Variants in ZMYM3 observed in about 807,000 individuals in gnomAD.
ZMYM3 encodes the protein zinc finger MYM-type protein 3.
Under a neutral mutation model 94.2 loss-of-function variants are expected in ZMYM3, and 6 were observed. That is an observed-to-expected ratio of 0.06 (90% CI 0.03 to 0.13). The LOEUF (loss-of-function observed/expected upper bound fraction) is 0.13. ZMYM3 is among the 10% of genes least tolerant of loss of function. The pLI is 1.00. For missense variants in ZMYM3, 664 were observed against 1,132.6 expected (o/e 0.59, Z 5.94); for synonymous variants, 420 against 426.5 (o/e 0.98, Z 0.19).
intron 2 of ZMYM3, 27 bp from the exon 3 acceptor site, chrX:71,251,628 A>G: frequency 2.6e-6 from 3 of 1,174,002 alleles, no homozygotes; most frequent in Non-Finnish European, 3.4e-6. Flanking sequence ...AGGCAGCCTA[A>G]ATGTTGAGCC....
upstream of ZMYM3, chrX:71,255,086 C>A (rs1047829728): frequency 1.5e-4 from 1 of 6,865 alleles, no homozygotes; most frequent in Non-Finnish European, 2.4e-4. Context: ...CAGGGCTGAT[C>A]TCTCTCTCTC....
In ZMYM3 at chrX:71,248,745, T is replaced by A. The variant is rs937809555; in HGVS notation, c.1678A>T (p.Asn560Tyr). Reference sequence around the variant, plus strand: ...TGGTAGACTGTGCGGTCAACCTTGTTGTAGTAACAGGGGTCAGAGAGGCTG... The same window carrying A: ...TGGTAGACTGTGCGGTCAACCTTGTAGTAGTAACAGGGGTCAGAGAGGCTG... Reference protein sequence around the residue: ...RRSLSDPCYYNKVDRTVYQFC... With the variant: ...RRSLSDPCYYYKVDRTVYQFC... The change falls in exon 9 of 25, where the codon AAC (asparagine) becomes TAC (tyrosine). Residue 560 changes from asparagine (N) to tyrosine (Y), a missense_variant. Asn to Tyr is a moderately radical substitution (Grantham distance 143, BLOSUM62 -2). This residue lies in a region of ZMYM3 where 159 missense variants were observed against 313.0 expected (regional missense o/e 0.51). Coordinates refer to ENST00000314425, the MANE Select transcript of ZMYM3 (RefSeq NM_201599.3). The A allele has an allele frequency of 3.2e-5, 39 of 1,206,704 alleles. No homozygotes were observed. Among genetic ancestry groups the A allele is most frequent in the Non-Finnish European group, 4.0e-5 (36 of 893,811 alleles).
intron 6 of ZMYM3, among the ~76,000 whole-genome samples, 158 bp downstream of exon 6, chrX:71,249,868 T>A (rs771073131): frequency 8.9e-5 from 10 of 112,273 alleles, no homozygotes; most frequent in Non-Finnish European, 1.3e-4. Context: ...GCTGTGCACA[T>A]CCTGGAGAAG....
chrX:71,247,776 G>A lies in ZMYM3; in HGVS notation c.2106C>T (p.Cys702=), dbSNP rs1318236653. The change falls in exon 12 of 25, where the codon TGC becomes TGT. Residue 702 remains cysteine (C), a synonymous_variant. Transcript: ENST00000314425. ...GGTACTTGCTCTTACAGTCCTCACT[G>A]CAGAAGTCCCAGGTGCTGCCATCCA... ...EQLDGSTWDF[C]SEDCKSKYLL... The A allele has an allele frequency of 2.5e-6, 3 of 1,211,870 alleles. No homozygotes were observed. The highest frequency in any genetic ancestry group is 3.4e-6 in the Non-Finnish European group (3 of 895,467).
At position 71,246,479 on chromosome X, in the gene ZMYM3, G is replaced by GGGGGGGGGGGGGGGGGGC; in HGVS notation, c.2445_2446insGCCCCCCCCCCCCCCCCC (p.Ala815_Pro816insAlaProProProProPro). ...GGGGGTGGTGGGGGTGGAGGGGTGG[G>GGGGGGGGGGGGGGGGGGC]AGCAGTGGGAGCTGATCGGGTCTTC... On this transcript the variant is annotated inframe_insertion, in exon 15 of 25. Coordinates refer to ENST00000314425, the MANE Select transcript of ZMYM3 (RefSeq NM_201599.3). 1 of 333,479 alleles carries GGGGGGGGGGGGGGGGGGC rather than the reference G, an allele frequency of 3.0e-6. No homozygotes were observed. The highest frequency in any genetic ancestry group is 5.6e-6 in the Non-Finnish European group (1 of 178,512). 27.5% of individuals were successfully genotyped at this position (333,479 alleles called of 1,213,427 possible).
At position 71,252,575 on chromosome X, in the gene ZMYM3, A is replaced by G. The variant is rs1310874132; in HGVS notation, c.667+14T>C. ...TCTCCCAGCCCTGATTCTCCAGATA[A>G]TTAGGCAACCTACCTGGCAAGGAAG... On this transcript the variant is annotated intron_variant, in intron 2 of 24. Transcript: ENST00000314425. 2 of 1,134,757 alleles carry G rather than the reference A, an allele frequency of 1.8e-6. No individual in the cohort carries two copies. The highest frequency in any genetic ancestry group is 6.1e-5 in the East Asian group (2 of 32,901). The allele number at this position is 1,134,757 out of a possible 1,213,427, so 93.5% of individuals were successfully genotyped here.
Position 71,247,752 on chromosome X carries a change from G to A in ZMYM3, c.2130C>T (p.Tyr710=). The A allele has an allele frequency of 8.3e-7, 1 of 1,211,025 alleles. No individual in the cohort carries two copies. Among genetic ancestry groups the A allele is most frequent in the Non-Finnish European group, 1.1e-6 (1 of 895,100 alleles). Residue 710 remains tyrosine (Y), a synonymous_variant, in exon 12 of 25, where the codon TAC becomes TAT. Coordinates refer to ENST00000314425, the MANE Select transcript of ZMYM3 (RefSeq NM_201599.3). ...DFCSEDCKSK[Y]LLWYCKAARC... is the part of the protein sequence containing the mutation. ...TCCTTACCTTGCAGTACCACAGCAG[G>A]TACTTGCTCTTACAGTCCTCACTGC...
chrX:71,250,061 C>T lies in ZMYM3; in HGVS notation c.1216G>A (p.Ala406Thr), dbSNP rs777627986. 10 of 1,194,076 alleles carry T rather than the reference C, an allele frequency of 8.4e-6. No individual in the cohort carries two copies. The highest frequency in any genetic ancestry group is 2.4e-4 in the Middle Eastern group (1 of 4,247). ...TTCTGGCATATGCTGCAGCGAGTAG[C>T]GTCGGCGGGATCCCCAGACTGGGGG... ...PIPQSGDPAD[A>T]TRCSICQKTG... The change falls in exon 6 of 25, where the codon GCT (alanine) becomes ACT (threonine). Residue 406 changes from alanine to threonine, a missense_variant. Transcript: ENST00000314425.
Position 71,246,468 on chromosome X carries a change from T to TTGGGGGGGGGGGGGGGGGGG in ZMYM3, c.2456_2457insCCCCCCCCCCCCCCCCCCCA (p.Ala825ProfsTer21). 4 of 115,326 alleles carry TTGGGGGGGGGGGGGGGGGGG rather than the reference T, an allele frequency of 3.5e-5. No individual in the cohort carries two copies. Among genetic ancestry groups the TTGGGGGGGGGGGGGGGGGGG allele is most frequent in the Admixed American group, 7.0e-4 (2 of 2,838 alleles). 9.5% of individuals were successfully genotyped at this position (115,326 alleles called of 1,213,427 possible). On this transcript the variant is annotated frameshift_variant, in exon 15 of 25. Coordinates refer to ENST00000314425, the MANE Select transcript of ZMYM3 (RefSeq NM_201599.3). LOFTEE classifies it high-confidence loss of function. ...GGGGTGTTGCTGGGGGTGGTGGGGG[T>TTGGGGGGGGGGGGGGGGGGG]GGAGGGGTGGGAGCAGTGGGAGCTG...
rs1216087178 is a variant in ZMYM3 at position 71,252,913 on chromosome X, C to T, written c.343G>A (p.Gly115Arg). The change falls in exon 2 of 25, where the codon GGA becomes AGA. Residue 115 changes from glycine to arginine, a missense_variant. Physicochemically the swap from Gly to Arg is moderately radical, Grantham distance 125. This residue lies in a region of ZMYM3 where 196 missense variants were observed against 190.8 expected (regional missense o/e 1.03). Transcript: ENST00000314425. The part of the protein sequence containing the change: ...WDAGDQTLEP[G>R]PGGQTPEVVP... ...ACCTCAGGGGTCTGGCCCCCTGGTC[C>T]AGGCTCTAGGGTCTGATCTCCTGCA... is the stretch of plus-strand genomic sequence containing the variant. 5.8e-6 allele frequency: 7 copies of T among 1,209,814 alleles called. No individual in the cohort carries two copies. The highest frequency in any genetic ancestry group is 7.8e-6 in the Non-Finnish European group (7 of 894,904).
chrX:71,251,961 G>A, intron 2 of ZMYM3: 1 of 598,922 alleles, frequency 1.7e-6, no homozygotes, highest in Non-Finnish European at 2.0e-6. Flanking sequence ...GGAAGCATCA[G>A]TGTATGGGTA....
chrX:71,252,977 C>T lies in ZMYM3; in HGVS notation c.279G>A (p.Pro93=), dbSNP rs778882619. The T allele has an allele frequency of 1.2e-5, 15 of 1,209,054 alleles. No individual in the cohort carries two copies. Among genetic ancestry groups the T allele is most frequent in the Admixed American group, 2.2e-5 (1 of 45,779 alleles). Residue 93 remains proline, a synonymous_variant, in exon 2 of 25, where the codon CCG becomes CCA. Coordinates refer to ENST00000314425, the MANE Select transcript of ZMYM3 (RefSeq NM_201599.3). ...TTCCCTCAGGACCGTGGTCCACCTC[C>T]GGGGGAGAGGGGGCTTTATAGAGCA... is the stretch of plus-strand genomic sequence containing the variant. ...GGLLYKAPSP[P]EVDHGPEGTL... is the part of the protein sequence containing the mutation.
chrX:71,254,860 T>C (rs1393006078), upstream of ZMYM3: 1 of 111,105 alleles, frequency 9.0e-6, no homozygotes, highest in Admixed American at 9.5e-5. Context: ...TTATGGGGTA[T>C]CTGAAGCTTG....
intron 6 of ZMYM3, 52 bp from the exon 7 acceptor site, chrX:71,249,731 C>A: frequency 8.5e-7 from 1 of 1,176,673 alleles, no homozygotes; most frequent in Non-Finnish European, 1.1e-6. Flanking sequence ...CCACCGCCCA[C>A]CCCAATGCAA....
chrX:71,242,754 A>G (rs1307274593), intron 22 of ZMYM3, among the ~76,000 whole-genome samples: 1 of 111,748 alleles, frequency 8.9e-6, no homozygotes, highest in Admixed American at 9.6e-5. Flanking sequence ...CTGGTCCTAG[A>G]GATAGCTCTT....
rs1245512141 is a variant in ZMYM3, at chrX:71,252,955, C to T, written c.301G>A (p.Gly101Arg). 3 of 1,211,739 alleles carry T rather than the reference C, an allele frequency of 2.5e-6. No homozygotes were observed. Among genetic ancestry groups the T allele is most frequent in the Non-Finnish European group, 3.4e-6 (3 of 895,424 alleles). The change falls in exon 2 of 25, where the codon GGA becomes AGA. Residue 101 changes from glycine (G) to arginine (R), a missense_variant. Transcript: ENST00000314425. ...SPPEVDHGPE[G>R]TLAWDAGDQT... The stretch of plus-strand genomic sequence containing the variant: ...TCTCCTGCATCCCATGCCAGGGTTC[C>T]CTCAGGACCGTGGTCCACCTCCGGG...
chrX:71,250,180 G>A lies in ZMYM3; in HGVS notation c.1097C>T (p.Ser366Leu). The change falls in exon 6 of 25, where the codon TCG becomes TTG. Residue 366 changes from serine to leucine, a missense_variant. Coordinates refer to ENST00000314425, the MANE Select transcript of ZMYM3 (RefSeq NM_201599.3). ...TCCAGAACCAGTCTGCGCCACAACC[G>A]AGTCCTTGGTGTTCCAGATCTCCCT... ...CKKEIWNTKD[S>L]VVAQTGSGGS... The A allele has an allele frequency of 4.2e-6, 5 of 1,187,747 alleles. No individual in the cohort carries two copies. The highest frequency in any genetic ancestry group is 5.6e-6 in the Non-Finnish European group (5 of 884,976).
At chrX:71,243,339 T>C (rs1425978429) in intron 21 of ZMYM3, among the ~76,000 whole-genome samples, 1 of 111,088 alleles carries the variant, frequency 9.0e-6, no homozygotes, top group Non-Finnish European at 1.9e-5. Flanking sequence ...TAATACATGG[T>C]TGACTTCTCC....
At chrX:71,248,981 G>C in intron 8 of ZMYM3, 38 bp downstream of exon 8, 5 of 1,207,199 alleles carry the variant, frequency 4.1e-6, no homozygotes, top group Non-Finnish European at 5.6e-6. Flanking sequence ...TAGAGAGAAG[G>C]CCAGCAGGGG....
Sources: gnomAD v4.1 joint callset for allele counts (sites outside exome capture counted in the v4.1 genomes callset) on GRCh38, gnomAD v4.1.1 for gene constraint, gnomAD v4.1.1 regional missense constraint, MANE v1.5 for transcripts, NCBI Gene and HGNC (gene_info 2026-07-23, HGNC 2026-07-21) for gene names.